Variants in KANK1 observed in about 807,000 individuals in gnomAD.
KANK1 encodes KN motif and ankyrin repeat domain-containing protein 1.
KANK1 carries 109 observed loss-of-function variants against 106.2 expected under a neutral mutation model. The ratio of observed to expected loss-of-function variants is 1.03; its 90% CI spans 0.88 to 1.20. KANK1 has a LOEUF of 1.20. Among genes scored for constraint, KANK1 ranks in the 50% most tolerant of loss-of-function variants. KANK1 has a pLI of 0.00. For missense variants in KANK1, 2,399 were observed against 1,710.7 expected, an observed-to-expected ratio of 1.40 and a Z score of -7.10; for synonymous variants, 873 against 652.2, an observed-to-expected ratio of 1.34 and a Z score of -5.16.
chr9:529,715 A>G (rs1404415923), intron 1 of KANK1, among the ~76,000 whole-genome samples: 1 of 152,136 alleles, frequency 6.6e-6, no homozygotes, highest in Non-Finnish European at 1.5e-5. Context: ...TCAGTTTCCT[A>G]TTGATTTGCT....
chr9:488,657 A>G (rs1357917354), intron 3 of KANK1, among the ~76,000 whole-genome samples: 1 of 152,232 alleles, frequency 6.6e-6, no homozygotes, highest in Non-Finnish European at 1.5e-5. Context: ...AATGCTGCAT[A>G]CAGACAGTGT....
At chr9:605,796 G>A (rs968027395) in intron 1 of KANK1, among the ~76,000 whole-genome samples, 15 of 151,722 alleles carry the variant, frequency 9.9e-5, no homozygotes, top group Non-Finnish European at 2.1e-4. Flanking sequence ...TTTGGATTAT[G>A]GGGAAATGAA....
chr9:581,257 C>G (rs116517920), intron 1 of KANK1, among the ~76,000 whole-genome samples: 10 of 152,172 alleles, frequency 6.6e-5, no homozygotes, highest in African/African-American at 2.4e-4. Flanking sequence ...TCCTCAAGCA[C>G]GGCCAGAGGG....
At chr9:632,964 G>C (rs1836123906) in intron 1 of KANK1, among the ~76,000 whole-genome samples, 1 of 152,072 alleles carries the variant, frequency 6.6e-6, no homozygotes, top group Admixed American at 6.5e-5. Context: ...AAAGTGCTGG[G>C]ATTACAGGCG....
At chr9:632,934 T>C (rs1588428759) in intron 1 of KANK1, among the ~76,000 whole-genome samples, 1 of 152,068 alleles carries the variant, frequency 6.6e-6, no homozygotes, top group African/African-American at 2.4e-5. Context: ...CCTCAGGTGA[T>C]CCACCTGCCT....
intron 1 of KANK1, among the ~76,000 whole-genome samples, chr9:555,548 T>C (rs1285232576): frequency 6.6e-6 from 1 of 152,260 alleles, no homozygotes; most frequent in African/African-American, 2.4e-5. Context: ...TTATCCTTTT[T>C]CTGGAATGTT....
At chr9:505,300 C>A (rs976196908) in intron 1 of KANK1, among the ~76,000 whole-genome samples, 31 of 152,178 alleles carry the variant, frequency 2.0e-4, no homozygotes, top group African/African-American at 7.0e-4. Flanking sequence ...GGCCTCGGGT[C>A]GCCCTCCGCC....
chr9:487,547 T>C (rs1022177062), intron 3 of KANK1, among the ~76,000 whole-genome samples: 1 of 152,184 alleles, frequency 6.6e-6, no homozygotes, highest in Non-Finnish European at 1.5e-5. Context: ...CAGATATATT[T>C]GTTTAGTATA....
intron 1 of KANK1, among the ~76,000 whole-genome samples, chr9:543,519 A>T (rs376872415): frequency 6.6e-6 from 1 of 150,698 alleles, no homozygotes. Context: ...AGATCACACC[A>T]TTGCACTCCA....
chr9:734,770 T>A lies in KANK1; in HGVS notation c.3268T>A (p.Leu1090Met), dbSNP rs777329268. Residue 1090 changes from leucine (L) to methionine (M), a missense_variant, in exon 7 of 12, where the codon TTG (leucine) becomes ATG (methionine). Transcript: ENST00000382297. ...CAGGTATGAATTAAGTGAAAAGATGTTGTCTGCATGCAACTTACTGAAAAA... is the reference window on the plus strand; with the variant it reads ...CAGGTATGAATTAAGTGAAAAGATGATGTCTGCATGCAACTTACTGAAAAA... ...RERYELSEKM[L>M]SACNLLKNTI... 6.2e-7 allele frequency: 1 copy of A among 1,612,510 alleles called. No individual in the cohort carries two copies. The highest frequency in any genetic ancestry group is 2.2e-5 in the East Asian group (1 of 44,886).
Position 732,378 on chromosome 9 carries a change from G to A in KANK1, c.3006G>A (p.Gly1002=). The A allele has an allele frequency of 6.2e-7, 1 of 1,608,304 alleles. No individual in the cohort carries two copies. The highest frequency in any genetic ancestry group is 8.5e-7 in the Non-Finnish European group (1 of 1,175,094). The change falls in exon 6 of 12, where the codon GGG becomes GGA. Residue 1002 remains glycine, a splice_region_variant and synonymous_variant. Coordinates refer to ENST00000382297, the MANE Select transcript of KANK1 (RefSeq NM_015158.5). ...KNLQFVGING[G]YETTSSDDSS... is the part of the protein sequence containing the mutation. Reference sequence around the variant, plus strand: ...TCCTGAAATCCCAATTGCCACCTAGGTATGAAACAACTTCAAGTGATGATT... The same window carrying A: ...TCCTGAAATCCCAATTGCCACCTAGATATGAAACAACTTCAAGTGATGATT...
intron 1 of KANK1, among the ~76,000 whole-genome samples, chr9:652,319 G>A (rs1841072449): frequency 1.3e-5 from 2 of 151,964 alleles, no homozygotes; most frequent in Admixed American, 6.6e-5. Flanking sequence ...TCAGGAGTTC[G>A]AGACCAGCCT....
intron 1 of KANK1, among the ~76,000 whole-genome samples, chr9:545,542 G>T (rs988178332): frequency 2.0e-5 from 3 of 152,146 alleles, no homozygotes; most frequent in Non-Finnish European, 2.9e-5. Context: ...GAGGAGGAAT[G>T]GACAGAAAGG....
At chr9:732,052 T>TGG (rs373669083) in intron 5 of KANK1, 1 of 171,734 alleles carries the variant, frequency 5.8e-6, no homozygotes, top group Non-Finnish European at 1.2e-5. Context: ...AGACATGGGG[T>TGG]GGGGGGGGGA....
Position 660,569 on chromosome 9 carries a change from G to A in KANK1, c.-83-16321G>A, listed in dbSNP as rs1007986445. On this transcript the variant is annotated intron_variant, in intron 1 of 11. Transcript: ENST00000382297. ...GTAGGCGCCTGGCAGTGTCAAGTCT[G>A]AAACAAAGCAATACTGTCATGTTTC... Among the ~76,000 whole-genome samples the A allele has an allele frequency of 9.2e-5, 14 of 152,126 alleles. 1 individual carries two copies. Among genetic ancestry groups the A allele is most frequent in the Non-Finnish European group, 1.5e-5 (1 of 68,036 alleles).
intron 1 of KANK1, among the ~76,000 whole-genome samples, chr9:547,777 A>G (rs1372652257): frequency 3.3e-5 from 5 of 152,212 alleles, no homozygotes; most frequent in Admixed American, 1.3e-4. Context: ...GCACTCCACA[A>G]AATAGTAAAA....
intron 4 of KANK1, 113 bp downstream of exon 4, chr9:730,361 G>GTTATTTGGAAGGTAGGCCCAGAATATCT (rs1831882862): frequency 1.8e-6 from 2 of 1,132,284 alleles, no homozygotes; most frequent in Non-Finnish European, 2.6e-6. Context: ...AGTTAATATC[G>GTTATTTGGAAGGTAGGCCCAGAATATCT]TTATTTGGAA....
At chr9:554,392 C>G (rs537756818) in intron 1 of KANK1, among the ~76,000 whole-genome samples, 1 of 152,152 alleles carries the variant, frequency 6.6e-6, no homozygotes, top group Non-Finnish European at 1.5e-5. Context: ...TATTCTGGCC[C>G]TCACTGATTG....
chr9:682,172 C>T lies in KANK1; in HGVS notation c.37+5163C>T, dbSNP rs188411060. ...GTGGGCGCCTGTAATTCCAGCTACT[C>T]GGGAGGCTGAGGCAGGAGAATTGCT... is the stretch of plus-strand genomic sequence containing the variant. On this transcript the variant is annotated intron_variant, in intron 2 of 11. Transcript: ENST00000382297. Among the ~76,000 whole-genome samples, 721 of 151,474 alleles carry T rather than the reference C, an allele frequency of 4.8e-3. 3 individuals are homozygous for T. Among genetic ancestry groups the T allele is most frequent in the Non-Finnish European group, 5.3e-3 (362 of 67,902 alleles).
Sources: allele counts gnomAD v4.1 joint callset (sites outside exome capture counted in the v4.1 genomes callset), GRCh38; gene constraint gnomAD v4.1.1; transcripts MANE v1.5; gene names NCBI Gene and HGNC (gene_info 2026-07-23, HGNC 2026-07-21).